Variants in TNFAIP8 observed in about 807,000 individuals in gnomAD.
The protein encoded by TNFAIP8 is tumor necrosis factor alpha-induced protein 8.
Under a neutral mutation model 13.3 loss-of-function variants are expected in TNFAIP8, and 7 were observed. That is an observed-to-expected ratio of 0.52 (90% confidence interval 0.30 to 0.99). The LOEUF is 0.99. Among genes scored for constraint, TNFAIP8 ranks in the 50% least tolerant of loss-of-function variants. The pLI is 0.07. For synonymous variants in TNFAIP8, 94 were observed against 87.6 expected, an observed-to-expected ratio of 1.07 and a Z score of -0.41; for missense variants, 258 against 236.9, an observed-to-expected ratio of 1.09 and a Z score of -0.58.
In TNFAIP8 at chr5:119,356,309, C is replaced by G. The variant is rs148656785; in HGVS notation, c.31+188C>G. 3.9e-3 allele frequency among the ~76,000 whole-genome samples: 596 copies of G among 152,300 alleles called. 3 individuals carry two copies. The highest frequency in any genetic ancestry group is 0.01 in the Middle Eastern group (3 of 294). On this transcript the variant is annotated intron_variant, in intron 1 of 1. Transcript: ENST00000504771. Reference sequence around the variant, plus strand: ...TCTCATCTTGGGCTCCCTTCTCCCCCCGCAGCCGTTCAGAGGGGAGGGGAG... The same window carrying G: ...TCTCATCTTGGGCTCCCTTCTCCCCGCGCAGCCGTTCAGAGGGGAGGGGAG...
At chr5:119,359,193 T>C (rs1043130667) in intron 1 of TNFAIP8, among the ~76,000 whole-genome samples, 34 of 152,326 alleles carry the variant, frequency 2.2e-4, no homozygotes, top group African/African-American at 8.2e-4. Flanking sequence ...ATATCCTTCC[T>C]GGCTCCTTCT....
At chr5:119,330,943 T>C (rs1224420165) in intron 1 of TNFAIP8, among the ~76,000 whole-genome samples, 1 of 151,690 alleles carries the variant, frequency 6.6e-6, no homozygotes, top group Non-Finnish European at 1.5e-5. Flanking sequence ...TGCTGCAGAG[T>C]TGTGCCCACC....
intron 1 of TNFAIP8, among the ~76,000 whole-genome samples, chr5:119,292,685 T>TATATATATACAC (rs1470227218): frequency 5.2e-4 from 27 of 52,322 alleles, no homozygotes; most frequent in African/African-American, 9.5e-4. Context: ...TATATATATA[T>TATATATATACAC]ACACACACAC....
In TNFAIP8 at chr5:119,315,812, G is replaced by C. The variant is rs146569012; in HGVS notation, c.1+46905G>C. 9.3e-3 allele frequency among the ~76,000 whole-genome samples: 1,422 copies of C among 152,284 alleles called. 22 individuals carry two copies. The highest frequency in any genetic ancestry group is 0.032 in the African/African-American group (1,326 of 41,568). On this transcript the variant is annotated intron_variant, in intron 1 of 1. Coordinates refer to the TNFAIP8 transcript ENST00000274456. ...CCCACCTCCACCACCCACACACACA[G>C]AAGTCTTGATTGCAGTTCCTGTGTG...
intron 1 of TNFAIP8, among the ~76,000 whole-genome samples, chr5:119,271,900 C>G (rs549144081): frequency 2.0e-5 from 3 of 152,182 alleles, no homozygotes; most frequent in Admixed American, 1.3e-4. Context: ...CTTTATGTTT[C>G]CCTCTGGCTA....
intron 1 of TNFAIP8, among the ~76,000 whole-genome samples, chr5:119,276,378 A>T (rs552813706): frequency 6.6e-6 from 1 of 152,256 alleles, no homozygotes; most frequent in African/African-American, 2.4e-5. Flanking sequence ...TTGGCCTCCC[A>T]AAGTGTTGGG....
At chr5:119,292,998 A>G (rs1749045698) in intron 1 of TNFAIP8, among the ~76,000 whole-genome samples, 1 of 151,862 alleles carries the variant, frequency 6.6e-6, no homozygotes, top group Admixed American at 6.6e-5. Context: ...CTTTTATTTC[A>G]CTTAGCATTA....
chr5:119,285,087 T>C (rs1358518210), intron 1 of TNFAIP8, among the ~76,000 whole-genome samples: 1 of 152,190 alleles, frequency 6.6e-6, no homozygotes, highest in African/African-American at 2.4e-5. Context: ...ATGGTCTTTT[T>C]GAAATAGTTA....
At chr5:119,345,143 C>T (rs900949086) in intron 1 of TNFAIP8, among the ~76,000 whole-genome samples, 1 of 152,094 alleles carries the variant, frequency 6.6e-6, no homozygotes. Context: ...CAAAATAATA[C>T]ATATATATTG....
chr5:119,391,022 G>A (rs567069640), intron 1 of TNFAIP8, among the ~76,000 whole-genome samples: 1 of 149,584 alleles, frequency 6.7e-6, no homozygotes, highest in Admixed American at 6.7e-5. Context: ...GTTGCAATGG[G>A]GTTTTGCTAT....
intron 1 of TNFAIP8, among the ~76,000 whole-genome samples, chr5:119,292,105 C>G (rs1749006341): frequency 6.6e-6 from 1 of 152,120 alleles, no homozygotes; most frequent in Non-Finnish European, 1.5e-5. Context: ...CCCCAGTTCC[C>G]CAGAGGCATA....
intron 1 of TNFAIP8, among the ~76,000 whole-genome samples, chr5:119,377,976 C>T (rs553225579): frequency 6.6e-6 from 1 of 152,272 alleles, no homozygotes; most frequent in East Asian, 1.9e-4. Flanking sequence ...AAAGGGTAGT[C>T]TTCTAAAGGA....
intron 1 of TNFAIP8, 115 bp downstream of exon 1, chr5:119,356,236 G>C: frequency 1.0e-6 from 1 of 965,792 alleles, no homozygotes. Flanking sequence ...TTGTCCGCTT[G>C]CCCTGCGCCT....
intron 1 of TNFAIP8, among the ~76,000 whole-genome samples, chr5:119,299,249 T>C (rs986310339): frequency 1.8e-4 from 28 of 152,168 alleles, no homozygotes; most frequent in Non-Finnish European, 7.3e-5. Context: ...TATCTACTTT[T>C]GGTCTTTGAT....
In TNFAIP8 at chr5:119,392,802, T is replaced by C. The variant is rs200721889; in HGVS notation, c.32-14T>C. On this transcript the variant is annotated splice_polypyrimidine_tract_variant and intron_variant, in intron 1 of 1. Transcript: ENST00000504771. ...CTAATTGTTAATTCTTTTCCTCTCT[T>C]TTTTTTTTTTTAGTGGCCACAGATG... is the stretch of plus-strand genomic sequence containing the variant. 5.9e-3 allele frequency: 4,917 copies of C among 833,792 alleles called. 5 individuals are homozygous for C. Among genetic ancestry groups the C allele is most frequent in the South Asian group, 0.016 (602 of 37,468 alleles). 51.6% of individuals were successfully genotyped at this position (833,792 alleles called of 1,614,324 possible).
chr5:119,270,156 C>T (rs1406273267), intron 1 of TNFAIP8, among the ~76,000 whole-genome samples: 1 of 152,212 alleles, frequency 6.6e-6, no homozygotes, highest in Non-Finnish European at 1.5e-5. Flanking sequence ...TTTAAGAAGC[C>T]ATTGTGCATT....
intron 1 of TNFAIP8, among the ~76,000 whole-genome samples, chr5:119,391,905 G>A (rs939500532): frequency 1.3e-5 from 2 of 152,166 alleles, no homozygotes; most frequent in South Asian, 2.1e-4. Flanking sequence ...TATAGTGTCT[G>A]TTTAATATTT....
chr5:119,362,159 A>T (rs1751658519), intron 1 of TNFAIP8, among the ~76,000 whole-genome samples: 1 of 152,222 alleles, frequency 6.6e-6, no homozygotes, highest in African/African-American at 2.4e-5. Context: ...GACAGAAGTG[A>T]CTTCAAAGAG....
intron 1 of TNFAIP8, among the ~76,000 whole-genome samples, chr5:119,315,269 G>A (rs1973531): frequency 0.38 from 57,470 of 151,818 alleles, 12,048 homozygotes; most frequent in African/African-American, 0.57. Flanking sequence ...TTTTTAGTAG[G>A]GACAGGGTTT....
Sources: allele counts gnomAD v4.1 joint callset (sites outside exome capture counted in the v4.1 genomes callset), GRCh38; gene constraint gnomAD v4.1.1; transcripts MANE v1.5; gene names NCBI Gene and HGNC (gene_info 2026-07-23, HGNC 2026-07-21).